PAK4: variants seen among roughly 807,000 people sequenced by gnomAD.
PAK4 encodes the protein p21 (RAC1) activated kinase 4.
PAK4 carries 49 observed loss-of-function variants against 53.5 expected under a neutral mutation model. The ratio of observed to expected loss-of-function variants is 0.92; its 90% CI spans 0.73 to 1.16. The LOEUF (loss-of-function observed/expected upper bound fraction) is 1.16, where lower values mean the gene tolerates loss of function less well. Ranked by LOEUF, PAK4 falls within the 50% of genes most tolerant of loss-of-function variation. The pLI, the probability that PAK4 is intolerant of heterozygous loss-of-function variation, is 0.00. For synonymous variants in PAK4, 376 were observed against 375.6 expected, an observed-to-expected ratio of 1.00 and a Z score of -0.01; for missense variants, 824 against 850.7, an observed-to-expected ratio of 0.97 and a Z score of 0.39.
intron 1 of PAK4, among the ~76,000 whole-genome samples, chr19:39,165,962 A>C (rs1433302441): frequency 6.6e-6 from 1 of 152,152 alleles, no homozygotes; most frequent in Non-Finnish European, 1.5e-5. Flanking sequence ...CCCTCCCTCC[A>C]GGATCATATG....
At chr19:39,162,932 T>A (rs2144779695) in intron 1 of PAK4, among the ~76,000 whole-genome samples, 1 of 151,986 alleles carries the variant, frequency 6.6e-6, no homozygotes, top group South Asian at 2.1e-4. Context: ...GGAACGAGGC[T>A]CAGTGTGGGA....
rs74559237 is a variant in PAK4, at chr19:39,137,983, GT to G, written c.-23+12080del. On this transcript the variant is annotated intron_variant, in intron 1 of 8. Coordinates refer to ENST00000358301, the Ensembl canonical transcript of PAK4. Reference sequence around the variant, plus strand: ...GCCTAGTGTCTTAGCCATTCCTGAGGTTTTTTTTTTTTTTTTGAGACAGGGT... The same window carrying G: ...GCCTAGTGTCTTAGCCATTCCTGAGGTTTTTTTTTTTTTTTGAGACAGGGT... 4.5e-3 allele frequency among the ~76,000 whole-genome samples: 581 copies of G among 128,646 alleles called. 3 individuals carry two copies. Among genetic ancestry groups the G allele is most frequent in the East Asian group, 0.018 (78 of 4,318 alleles). The allele number at this position is 128,646 out of a possible 152,430, so 84.4% of individuals were successfully genotyped here. A position where few individuals can be genotyped will look rare whatever the true frequency, so the allele number is the denominator to read the frequency against.
At chr19:39,143,289 TAAAAAAA>T (rs33954043) in intron 1 of PAK4, among the ~76,000 whole-genome samples, 1 of 117,748 alleles carries the variant, frequency 8.5e-6, no homozygotes, top group Non-Finnish European at 1.7e-5. Flanking sequence ...GTAGAAGCAT[TAAAAAAA>T]AAAAAAAAAA....
Position 39,173,614 on chromosome 19 carries a change from G to A in PAK4, c.702G>A (p.Ala234=), listed in dbSNP as rs745927816. 1.5e-5 allele frequency: 23 copies of A among 1,535,250 alleles called. No homozygotes were observed. The highest frequency in any genetic ancestry group is 9.1e-5 in the East Asian group (4 of 44,172). Reference sequence around the variant, plus strand: ...ACGTGGCCCCTAACGGGCCATCAGCGGGGGGCCTGGCCATCCCCCAGTCCT... The same window carrying A: ...ACGTGGCCCCTAACGGGCCATCAGCAGGGGGCCTGGCCATCCCCCAGTCCT... The change falls in exon 4 of 9, where the codon GCG becomes GCA. Residue 234 remains alanine (A), a synonymous_variant. Transcript: ENST00000358301. The surrounding 1 kb of genome is among the most constrained non-coding windows in gnomAD (Gnocchi z 6.9).
Position 39,161,568 on chromosome 19 carries a change from C to T in PAK4, c.-22-7964C>T, listed in dbSNP as rs893827285. ...CTCCTCCCTGGTCCCCCTTTCCGTT[C>T]TGCCCCCACAGACTGTTCCCAGCCA... is the stretch of plus-strand genomic sequence containing the variant. On this transcript the variant is annotated intron_variant, in intron 1 of 8. Coordinates refer to ENST00000358301, the Ensembl canonical transcript of PAK4. This position sits in a 1 kb window ranked among gnomAD's most constrained non-coding sequence, Gnocchi z 4.5. Among the ~76,000 whole-genome samples, 3 of 151,996 alleles carry T rather than the reference C, an allele frequency of 2.0e-5. No individual in the cohort carries two copies. The highest frequency in any genetic ancestry group is 4.4e-5 in the Non-Finnish European group (3 of 67,980).
chr19:39,126,761 T>G (rs1051986277), intron 1 of PAK4, among the ~76,000 whole-genome samples: 2 of 152,168 alleles, frequency 1.3e-5, no homozygotes, highest in Admixed American at 6.5e-5. Flanking sequence ...TAATGTTTAA[T>G]GAGGGCTCAC....
intron 1 of PAK4, among the ~76,000 whole-genome samples, chr19:39,132,465 C>G (rs573765828): frequency 4.4e-4 from 67 of 152,362 alleles, no homozygotes; most frequent in Non-Finnish European, 8.4e-4. Context: ...TGTTTATATT[C>G]TGTCCTGTGC....
At chr19:39,180,949 C>T (rs2074694057), downstream of PAK4, 1 of 152,218 alleles carries the variant, frequency 6.6e-6, no homozygotes, top group Non-Finnish European at 1.5e-5. Flanking sequence ...ACAGCTAGCT[C>T]TAGGAGCTCC....
chr19:39,157,806 A>G (rs2074211087), intron 1 of PAK4, among the ~76,000 whole-genome samples: 1 of 152,194 alleles, frequency 6.6e-6, no homozygotes, highest in Admixed American at 6.5e-5. Context: ...TTTTTGGCCT[A>G]AGATAAATAT....
intron 1 of PAK4, among the ~76,000 whole-genome samples, chr19:39,126,394 T>A (rs1009432903): frequency 7.9e-6 from 1 of 126,084 alleles, no homozygotes; most frequent in Non-Finnish European, 1.6e-5. Flanking sequence ...GCGGGGCAGC[T>A]GTTTCCCAGA....
At chr19:39,177,756 G>A in exon 8 of PAK4, 1 of 1,613,702 alleles carries the variant, frequency 6.2e-7, no homozygotes, top group Non-Finnish European at 8.5e-7. Flanking sequence ...ACCCCTCAAA[G>A]CCATGAAGAT....
Position 39,137,730 on chromosome 19 carries a change from G to A in PAK4, c.-23+11811G>A, listed in dbSNP as rs369223782. On this transcript the variant is annotated intron_variant, in intron 1 of 8. Transcript: ENST00000358301. ...CACCCAGGCTGGAGTGCAGTGGCAC[G>A]ATCTTGGCTCACTACAACCTCCGCC... Among the ~76,000 whole-genome samples the A allele has an allele frequency of 1.2e-3, 175 of 147,760 alleles. 2 individuals are homozygous for A. In the South Asian group the frequency reaches 0.016, roughly 13 times the overall value.
intron 2 of PAK4, among the ~76,000 whole-genome samples, chr19:39,171,088 G>A (rs1428620097): frequency 1.3e-5 from 2 of 152,368 alleles, no homozygotes; most frequent in African/African-American, 4.8e-5. Flanking sequence ...CAGGAGGCAG[G>A]GCACTTGAAT....
At chr19:39,164,763 GTC>G (rs1388717857) in intron 1 of PAK4, among the ~76,000 whole-genome samples, 1 of 152,202 alleles carries the variant, frequency 6.6e-6, no homozygotes, top group Admixed American at 6.5e-5. Context: ...ACCTTTGTGA[GTC>G]TCTGTTTCCA....
intron 1 of PAK4, among the ~76,000 whole-genome samples, chr19:39,165,250 C>G (rs1485786877): frequency 1.4e-5 from 2 of 141,772 alleles, no homozygotes; most frequent in Non-Finnish European, 3.1e-5. Flanking sequence ...CGCCTGTAAT[C>G]CCAGCATTTT....
chr19:39,172,832 T>C (rs73046484), intron 2 of PAK4, 86 bp from the exon 4 acceptor site: 17,257 of 1,117,996 alleles, frequency 0.015, 220 homozygotes, highest in Non-Finnish European at 0.02. Context: ...GTGTGTGTCG[T>C]GCTGTCCTGT....
intron 1 of PAK4, among the ~76,000 whole-genome samples, chr19:39,167,387 G>C (rs1165840065): frequency 6.6e-6 from 1 of 152,188 alleles, no homozygotes; most frequent in South Asian, 2.1e-4. Context: ...GACTGTTGGG[G>C]TATGTGGATG....
At position 39,158,224 on chromosome 19, in the gene PAK4, T is replaced by G. The variant is rs191170417; in HGVS notation, c.-22-11308T>G. Among the ~76,000 whole-genome samples, 361 of 152,024 alleles carry G rather than the reference T, an allele frequency of 2.4e-3. 2 individuals are homozygous for G. The highest frequency in any genetic ancestry group is 8.3e-3 in the African/African-American group (342 of 41,434). ...GTATGTGCATGTGTGGGTGTGCGTGTGTGTGCATGTGTGTGCGCGCATGTG... is the reference window on the plus strand; with the variant it reads ...GTATGTGCATGTGTGGGTGTGCGTGGGTGTGCATGTGTGTGCGCGCATGTG... On this transcript the variant is annotated intron_variant, in intron 1 of 8. Coordinates refer to ENST00000358301, the Ensembl canonical transcript of PAK4.
intron 1 of PAK4, among the ~76,000 whole-genome samples, chr19:39,164,277 CAA>C (rs57848634): frequency 0.028 from 2,156 of 77,686 alleles, 45 homozygotes; most frequent in African/African-American, 0.1. Flanking sequence ...AACTCTGTCT[CAA>C]AAAAAAAAAA....
Sources: gnomAD v4.1 joint callset for allele counts (sites outside exome capture counted in the v4.1 genomes callset) on GRCh38, gnomAD v4.1.1 for gene constraint, Gnocchi (gnomAD v3.1) non-coding constraint, MANE v1.5 for transcripts, NCBI Gene and HGNC (gene_info 2026-07-23, HGNC 2026-07-21) for gene names.